Variants in ENTREP2 observed in about 807,000 individuals in gnomAD.
ENTREP2 encodes the protein protein ENTREP2.
At chr15:29,203,088 T>A in the ENTREP2 span, among the ~76,000 whole-genome samples, 10 of 152,148 alleles carry the variant, frequency 6.6e-5, no homozygotes, top group Admixed American at 6.5e-4. Flanking sequence ...TTGAACTAAT[T>A]TACACTCCCA....
the ENTREP2 span, among the ~76,000 whole-genome samples, chr15:29,255,564 C>A: frequency 6.6e-6 from 1 of 152,178 alleles, no homozygotes; most frequent in East Asian, 1.9e-4. Context: ...AAATAAAAAA[C>A]CCCACCTTCA....
the ENTREP2 span, among the ~76,000 whole-genome samples, chr15:29,509,174 C>G: frequency 2.0e-5 from 3 of 152,014 alleles, no homozygotes; most frequent in South Asian, 2.1e-4. Context: ...GAATAAAATA[C>G]CTAGGAATAC....
At chr15:29,446,785 T>A in the ENTREP2 span, among the ~76,000 whole-genome samples, 1 of 152,286 alleles carries the variant, frequency 6.6e-6, no homozygotes, top group East Asian at 1.9e-4. Context: ...CTTTTCCCAC[T>A]CCTAGAGGTG....
At chr15:29,128,989 C>T in the ENTREP2 span, 12 of 621,444 alleles carry the variant, frequency 1.9e-5, no homozygotes, top group South Asian at 7.8e-5. Context: ...TCATCCACAC[C>T]TCCACTCTTC....
the ENTREP2 span, among the ~76,000 whole-genome samples, chr15:29,457,274 A>G: frequency 3.3e-5 from 5 of 152,244 alleles, no homozygotes; most frequent in African/African-American, 1.2e-4. Flanking sequence ...GGTGCAGAGC[A>G]GGCATGGGCC....
At chr15:29,276,343 T>G in the ENTREP2 span, among the ~76,000 whole-genome samples, 1 of 152,232 alleles carries the variant, frequency 6.6e-6, no homozygotes, top group Admixed American at 6.5e-5. Context: ...AAGGTCTTGA[T>G]AGTGGTCACT....
chr15:29,371,110 A>G, the ENTREP2 span, among the ~76,000 whole-genome samples: 18 of 152,208 alleles, frequency 1.2e-4, no homozygotes, highest in African/African-American at 4.3e-4. Flanking sequence ...GAACCCTCAC[A>G]ATGGACACTG....
At chr15:29,301,493 T>C in the ENTREP2 span, among the ~76,000 whole-genome samples, 2 of 152,196 alleles carry the variant, frequency 1.3e-5, no homozygotes, top group Non-Finnish European at 2.9e-5. Flanking sequence ...TATAACAGAG[T>C]TGACAGAAAA....
At chr15:29,631,448 G>A in the ENTREP2 span, among the ~76,000 whole-genome samples, 5 of 152,282 alleles carry the variant, frequency 3.3e-5, no homozygotes, top group South Asian at 2.1e-4. Flanking sequence ...CTTAGGCTGC[G>A]GGTCCAATGA....
the ENTREP2 span, among the ~76,000 whole-genome samples, chr15:29,135,337 C>T: frequency 6.6e-6 from 1 of 152,124 alleles, no homozygotes; most frequent in South Asian, 2.1e-4. This position sits in a 1 kb window ranked among gnomAD's most constrained non-coding sequence, Gnocchi z 7.4. Flanking sequence ...GTTTTCCAGT[C>T]GTTTGCTTTC....
the ENTREP2 span, chr15:29,570,690 G>C: frequency 4.3e-6 from 5 of 1,166,562 alleles, no homozygotes; most frequent in Non-Finnish European, 5.3e-6. Context: ...AGCGCGGCGG[G>C]ACGCGGCGCT....
At chr15:29,118,206 G>A in the ENTREP2 span, 1 of 152,638 alleles carries the variant, frequency 6.6e-6, no homozygotes, top group East Asian at 1.9e-4. Context: ...TTACCACGCA[G>A]TAACTAAAGC....
chr15:29,614,006 A>G, the ENTREP2 span: 11 of 153,162 alleles, frequency 7.2e-5, no homozygotes, highest in Non-Finnish European at 1.5e-5. Context: ...GTGCAGAACA[A>G]GAGTCGCCAG....
At chr15:29,253,743 T>C in the ENTREP2 span, among the ~76,000 whole-genome samples, 1 of 151,942 alleles carries the variant, frequency 6.6e-6, no homozygotes, top group Admixed American at 6.6e-5. Flanking sequence ...GCCCGGCCAA[T>C]ATTGTCTCTC....
the ENTREP2 span, among the ~76,000 whole-genome samples, chr15:29,368,706 T>C: frequency 3.3e-5 from 5 of 151,244 alleles, no homozygotes; most frequent in Non-Finnish European, 7.4e-5. Context: ...ATACTATCAT[T>C]AACAAAAAAA....
chr15:29,379,565 C>T, the ENTREP2 span, among the ~76,000 whole-genome samples: 1 of 152,048 alleles, frequency 6.6e-6, no homozygotes, highest in African/African-American at 2.4e-5. Flanking sequence ...GGCTGGGGAG[C>T]GAGCACTCTG....
the ENTREP2 span, among the ~76,000 whole-genome samples, chr15:29,630,100 A>C: frequency 1.3e-5 from 2 of 152,202 alleles, no homozygotes; most frequent in Admixed American, 6.5e-5. Flanking sequence ...CGGGTGACAC[A>C]ATGAGACCCT....
chr15:29,326,663 G>A, the ENTREP2 span, among the ~76,000 whole-genome samples: 1 of 152,016 alleles, frequency 6.6e-6, no homozygotes, highest in African/African-American at 2.4e-5. Flanking sequence ...TAAATCCAAT[G>A]CAACCCTAAT....
chr15:29,656,378 AC>A, the ENTREP2 span, among the ~76,000 whole-genome samples: 1 of 152,056 alleles, frequency 6.6e-6, no homozygotes. Flanking sequence ...GACATCCATC[AC>A]CACAGCCGGG....
Sources: gnomAD v4.1 joint callset for allele counts (sites outside exome capture counted in the v4.1 genomes callset) on GRCh38, gnomAD v4.1.1 for gene constraint, Gnocchi (gnomAD v3.1) non-coding constraint, MANE v1.5 for transcripts, NCBI Gene and HGNC (gene_info 2026-07-23, HGNC 2026-07-21) for gene names.